The following ROBO2 variants were observed in gnomAD, a reference collection of about 807,000 sequenced individuals.
ROBO2 encodes the protein roundabout guidance receptor 2.
A neutral mutation model predicts 160.8 loss-of-function variants in ROBO2; 53 were observed. That is an observed-to-expected ratio of 0.33 (90% CI 0.26 to 0.41). ROBO2 has a LOEUF of 0.41. ROBO2 is among the 10% of genes least tolerant of loss of function. The pLI is 1.00. For missense variants in ROBO2, 1,577 were observed against 1,722.4 expected (o/e 0.92, Z 1.49); for synonymous variants, 664 against 611.7 (o/e 1.09, Z -1.26).
intron 2 of ROBO2, among the ~76,000 whole-genome samples, chr3:76,277,888 A>G (rs1186927287): frequency 6.6e-6 from 1 of 151,706 alleles, no homozygotes; most frequent in African/African-American, 2.4e-5. Flanking sequence ...TAATAAGTCC[A>G]AGACATTTTT....
chr3:76,905,554 C>T (rs1383114420), intron 2 of ROBO2, among the ~76,000 whole-genome samples: 1 of 151,928 alleles, frequency 6.6e-6, no homozygotes, highest in African/African-American at 2.4e-5. Flanking sequence ...TAGATATGAC[C>T]CAAACCCACA....
chr3:77,628,450 G>C (rs995127611), intron 23 of ROBO2, among the ~76,000 whole-genome samples: 2 of 146,960 alleles, frequency 1.4e-5, no homozygotes, highest in South Asian at 2.2e-4. Flanking sequence ...CTTTTTGTGG[G>C]GGGGGGGTAA....
At chr3:77,295,924 G>A (rs866824253) in intron 2 of ROBO2, among the ~76,000 whole-genome samples, 35 of 88,454 alleles carry the variant, frequency 4.0e-4, no homozygotes, top group African/African-American at 7.4e-4. Flanking sequence ...GATCACCCAG[G>A]CATAAAGTAA....
At chr3:76,684,121 A>G (rs1033024312) in intron 2 of ROBO2, among the ~76,000 whole-genome samples, 29 of 152,036 alleles carry the variant, frequency 1.9e-4, no homozygotes, top group Non-Finnish European at 4.1e-4. Context: ...AGAAGGAAAA[A>G]TGAGTCTATT....
rs77233890 is a variant in ROBO2, at chr3:76,399,727, C to G, written c.109+462125C>G. ...AAGAATAAGGGATAGAATACAGAGG[C>G]CGTCAGGGGAGTCTACCCATAACTC... On this transcript the variant is annotated intron_variant, in intron 2 of 26. Transcript: ENST00000487694. Among the ~76,000 whole-genome samples the G allele has an allele frequency of 5.6e-3, 847 of 151,778 alleles. 6 individuals are homozygous for G. Among genetic ancestry groups the G allele is most frequent in the African/African-American group, 0.019 (802 of 41,498 alleles).
At chr3:77,626,712 G>A (rs1332226362) in intron 23 of ROBO2, among the ~76,000 whole-genome samples, 2 of 152,170 alleles carry the variant, frequency 1.3e-5, no homozygotes, top group Non-Finnish European at 2.9e-5. Context: ...TGCCCTCAAC[G>A]TGTAGCAAAG....
intron 6 of ROBO2, 39 bp from the exon 7 acceptor site, chr3:77,527,364 C>CT: frequency 4.7e-6 from 6 of 1,279,802 alleles, no homozygotes; most frequent in Non-Finnish European, 6.1e-6. Context: ...TTTTTAATTT[C>CT]TTTTTTATGT....
chr3:77,518,659 C>A (rs1244352650), intron 5 of ROBO2, among the ~76,000 whole-genome samples: 2 of 151,390 alleles, frequency 1.3e-5, no homozygotes, highest in African/African-American at 2.4e-5. Context: ...AGTTGTGTAT[C>A]CCCAAATTTT....
At position 76,357,861 on chromosome 3, in the gene ROBO2, CA is replaced by C. The variant is rs778666774; in HGVS notation, c.109+420262del. ...ATAGATTAGAAACATCAAACCAAAT[CA>C]AATAGTATGAAAATTATATCTAAAC... On this transcript the variant is annotated intron_variant, in intron 2 of 26. Transcript: ENST00000487694. Among the ~76,000 whole-genome samples the C allele has an allele frequency of 4.0e-5, 6 of 149,294 alleles. No homozygotes were observed. The East Asian group carries it at 9.8e-4, about 24-fold the overall frequency.
chr3:77,310,607 T>C (rs1289922844), intron 2 of ROBO2, among the ~76,000 whole-genome samples: 1 of 152,098 alleles, frequency 6.6e-6, no homozygotes, highest in East Asian at 1.9e-4. Flanking sequence ...TTCAGAAAAA[T>C]TGTGCATTTC....
In ROBO2 at chr3:77,496,959, C is replaced by A. The variant is rs78489158; in HGVS notation, c.806+3577C>A. ...TCAGTAACTACCTTTAATGAAATTA[C>A]AACAGACTCTTAGTGAGTTGTATTA... On this transcript the variant is annotated intron_variant, in intron 5 of 25. Transcript: ENST00000461745. 7.6e-4 allele frequency among the ~76,000 whole-genome samples: 115 copies of A among 152,174 alleles called. No homozygotes were observed. In the East Asian group the frequency reaches 0.019, roughly 25 times the overall value.
rs2071446182 is a variant in ROBO2, at chr3:76,867,026, T to G, written c.110-230988T>G. The stretch of plus-strand genomic sequence containing the variant: ...TCTGACAACGTAACAGTAGCTACAT[T>G]TTAACTCAAAAGCATGACCACAACT... On this transcript the variant is annotated intron_variant, in intron 2 of 26. Coordinates refer to the ROBO2 transcript ENST00000487694. 2.0e-5 allele frequency among the ~76,000 whole-genome samples: 3 copies of G among 152,140 alleles called. No individual in the cohort carries two copies. In the South Asian group the frequency reaches 6.2e-4, roughly 31 times the overall value.
At chr3:77,268,073 T>C (rs931203591) in intron 2 of ROBO2, among the ~76,000 whole-genome samples, 6 of 152,210 alleles carry the variant, frequency 3.9e-5, no homozygotes, top group Non-Finnish European at 7.3e-5. Flanking sequence ...TTGGATGTAG[T>C]AGGGTTGCTT....
intron 2 of ROBO2, among the ~76,000 whole-genome samples, chr3:76,057,926 A>C (rs968720613): frequency 6.6e-6 from 1 of 152,198 alleles, no homozygotes; most frequent in Non-Finnish European, 1.5e-5. Context: ...ATAAATGTAG[A>C]TAGGTAGTTA....
chr3:76,750,455 G>A (rs972349016), intron 2 of ROBO2, among the ~76,000 whole-genome samples: 1 of 152,108 alleles, frequency 6.6e-6, no homozygotes. Flanking sequence ...AGGGCAATCA[G>A]GCGGGAGAAA....
intron 21 of ROBO2, among the ~76,000 whole-genome samples, chr3:77,610,741 C>CAAAAA (rs71629658): frequency 0.017 from 336 of 19,822 alleles, 1 homozygote; most frequent in South Asian, 0.035. Context: ...GGCCAAAGAC[C>CAAAAA]AAAAAAAAAA....
chr3:76,223,706 G>T (rs1336349811), intron 2 of ROBO2, among the ~76,000 whole-genome samples: 1 of 152,072 alleles, frequency 6.6e-6, no homozygotes, highest in Non-Finnish European at 1.5e-5. Context: ...CAGCCCTTCC[G>T]CTACAGGAGA....
At chr3:77,624,800 T>A (rs529813890) in intron 23 of ROBO2, among the ~76,000 whole-genome samples, 1 of 152,288 alleles carries the variant, frequency 6.6e-6, no homozygotes, top group Admixed American at 6.5e-5. Context: ...ATGACCATTT[T>A]ATTAAAGAGA....
chr3:76,763,528 T>A (rs188711564), intron 2 of ROBO2, among the ~76,000 whole-genome samples: 32 of 151,144 alleles, frequency 2.1e-4, no homozygotes, highest in African/African-American at 7.3e-4. Context: ...TTGTTAACAT[T>A]AATTACTTAT....
Sources: gnomAD v4.1 joint callset for allele counts (sites outside exome capture counted in the v4.1 genomes callset) on GRCh38, gnomAD v4.1.1 for gene constraint, MANE v1.5 for transcripts, NCBI Gene and HGNC (gene_info 2026-07-23, HGNC 2026-07-21) for gene names.